Variants in NRCAM observed in about 807,000 individuals in gnomAD.
NRCAM encodes the protein neuronal cell adhesion molecule.
NRCAM carries 83 observed loss-of-function variants against 156.5 expected under a neutral mutation model. That is an observed-to-expected ratio of 0.53 (90% CI 0.44 to 0.64). NRCAM has a LOEUF of 0.64. NRCAM is among the 30% of genes least tolerant of loss of function. The pLI is 0.00. For missense variants in NRCAM, 1,417 were observed against 1,597.3 expected (o/e 0.89, Z 1.92); for synonymous variants, 538 against 563.9 (o/e 0.95, Z 0.65).
chr7:108,194,309 C>G lies in NRCAM; in HGVS notation c.1583G>C (p.Arg528Thr), dbSNP rs1402891252. The change falls in exon 16 of 33, where the codon AGG becomes ACG. Residue 528 changes from arginine to threonine, a missense_variant. Coordinates refer to ENST00000379028, the MANE Select transcript of NRCAM (RefSeq NM_001037132.4). ...ATTCTTCGCCATCCCTAATTTATTCCTTGCAACACACGTATAAGTTCCTGT... is the reference window on the plus strand; with the variant it reads ...ATTCTTCGCCATCCCTAATTTATTCGTTGCAACACACGTATAAGTTCCTGT... Reference protein sequence around the residue: ...DSTGTYTCVARNKLGMAKNEV... With the variant: ...DSTGTYTCVATNKLGMAKNEV... The G allele has an allele frequency of 6.2e-7, 1 of 1,613,368 alleles. No individual in the cohort carries two copies. Among genetic ancestry groups the G allele is most frequent in the Non-Finnish European group, 8.5e-7 (1 of 1,179,584 alleles).
Position 108,191,773 on chromosome 7 carries a change from G to C in NRCAM, c.1859C>G (p.Thr620Ser). 6.2e-7 allele frequency: 1 copy of C among 1,614,056 alleles called. No individual in the cohort carries two copies. The change falls in exon 18 of 33, where the codon ACC becomes AGC. Residue 620 changes from threonine (T) to serine (S), a missense_variant. By Grantham distance (58) the Thr-to-Ser change is moderately conservative. Transcript: ENST00000379028. ...GCTGGCGGAGACGCTGTCCAGAGTG[G>C]TGTTGGCCACACACGTGTAGGTCCC... ...DSGTYTCVAN[T>S]TLDSVSASAV...
rs118007010 is a variant in NRCAM at position 108,360,678 on chromosome 7, A to G, written c.-174+38758T>C. Among the ~76,000 whole-genome samples, 61 of 152,302 alleles carry G rather than the reference A, an allele frequency of 4.0e-4. No individual in the cohort carries two copies. In the East Asian group the frequency reaches 0.011, roughly 27 times the overall value. On this transcript the variant is annotated intron_variant, in intron 2 of 32. Coordinates refer to ENST00000379028, the MANE Select transcript of NRCAM (RefSeq NM_001037132.4). ...CCATGAAACAAAATTGAGAGTCTCT[A>G]AACAAACCCTTACATTTATGGTCAA...
intron 32 of NRCAM, among the ~76,000 whole-genome samples, chr7:108,156,789 C>T (rs181600954): frequency 1.3e-5 from 2 of 152,106 alleles, no homozygotes; most frequent in Non-Finnish European, 2.9e-5. Flanking sequence ...TCAAAACTTC[C>T]AGAAAGTGCA....
At chr7:108,434,285 A>T (rs1049565247) in intron 1 of NRCAM, among the ~76,000 whole-genome samples, 2 of 152,252 alleles carry the variant, frequency 1.3e-5, no homozygotes, top group African/African-American at 4.8e-5. Context: ...TCACTTGATT[A>T]GAGCATTCAC....
chr7:108,397,001 T>C (rs1028093820), intron 2 of NRCAM, among the ~76,000 whole-genome samples: 1 of 152,228 alleles, frequency 6.6e-6, no homozygotes, highest in Non-Finnish European at 1.5e-5. Context: ...TGCATCTAGA[T>C]TGATTAACCA....
chr7:108,324,669 G>A (rs1202315802), intron 2 of NRCAM, among the ~76,000 whole-genome samples: 1 of 152,108 alleles, frequency 6.6e-6, no homozygotes, highest in African/African-American at 2.4e-5. Context: ...AGCAGGATTA[G>A]GTTTAGAAGA....
At chr7:108,298,248 T>G (rs1364089190) in intron 3 of NRCAM, among the ~76,000 whole-genome samples, 2 of 152,024 alleles carry the variant, frequency 1.3e-5, no homozygotes, top group African/African-American at 4.8e-5. Flanking sequence ...CTGAAATTAT[T>G]ATAATCTAAG....
intron 2 of NRCAM, among the ~76,000 whole-genome samples, chr7:108,337,799 T>A (rs573197204): frequency 6.6e-6 from 1 of 152,256 alleles, no homozygotes; most frequent in South Asian, 2.1e-4. Flanking sequence ...CGCCACCATC[T>A]TGGGAGCTCT....
At chr7:108,222,025 G>A (rs1310729103) in intron 11 of NRCAM, among the ~76,000 whole-genome samples, 1 of 151,524 alleles carries the variant, frequency 6.6e-6, no homozygotes, top group Non-Finnish European at 1.5e-5. Flanking sequence ...AATAAACTGA[G>A]CATATGTATC....
chr7:108,156,486 C>T, intron 32 of NRCAM: 1 of 926,266 alleles, frequency 1.1e-6, no homozygotes, highest in Non-Finnish European at 1.3e-6. Context: ...AAGCTGCAGG[C>T]TTCCAACAGA....
chr7:108,447,478 G>C (rs553870575), intron 1 of NRCAM, among the ~76,000 whole-genome samples: 1 of 151,910 alleles, frequency 6.6e-6, no homozygotes, highest in South Asian at 2.1e-4. Flanking sequence ...TACCATGCTG[G>C]CCAGGGCGCT....
intron 9 of NRCAM, among the ~76,000 whole-genome samples, 196 bp downstream of exon 9, chr7:108,226,012 C>CA (rs757525043): frequency 2.5e-4 from 38 of 152,130 alleles, no homozygotes; most frequent in Admixed American, 1.4e-3. Flanking sequence ...ACAATAAAAG[C>CA]AAAAAATGTA....
intron 1 of NRCAM, among the ~76,000 whole-genome samples, chr7:108,408,951 G>A (rs1463151583): frequency 1.3e-5 from 2 of 152,120 alleles, no homozygotes; most frequent in East Asian, 3.9e-4. Flanking sequence ...CCTCCACAAG[G>A]CATTGCAAAA....
intron 1 of NRCAM, among the ~76,000 whole-genome samples, chr7:108,417,290 A>G (rs1802782650): frequency 6.6e-6 from 1 of 152,200 alleles, no homozygotes; most frequent in African/African-American, 2.4e-5. Context: ...TTGGCTCACA[A>G]TTCTGGAGTC....
At chr7:108,324,370 CT>C (rs1458342371) in intron 2 of NRCAM, among the ~76,000 whole-genome samples, 1 of 152,126 alleles carries the variant, frequency 6.6e-6, no homozygotes, top group African/African-American at 2.4e-5. Context: ...CCCTAACAAA[CT>C]TTTTTCCTTT....
intron 2 of NRCAM, among the ~76,000 whole-genome samples, chr7:108,322,334 C>T (rs1287809826): frequency 6.6e-6 from 1 of 152,096 alleles, no homozygotes; most frequent in African/African-American, 2.4e-5. Flanking sequence ...TTTCATAGTA[C>T]TGTTCTGGAA....
At chr7:108,333,609 G>A (rs1324209135) in intron 2 of NRCAM, among the ~76,000 whole-genome samples, 1 of 151,964 alleles carries the variant, frequency 6.6e-6, no homozygotes, top group African/African-American at 2.4e-5. Flanking sequence ...TGATGTTTTG[G>A]GGACATGTTA....
intron 1 of NRCAM, among the ~76,000 whole-genome samples, chr7:108,418,018 C>A (rs1803885008): frequency 6.6e-6 from 1 of 152,126 alleles, no homozygotes; most frequent in Non-Finnish European, 1.5e-5. Flanking sequence ...CTGACTTCAG[C>A]AGAAGAATAA....
chr7:108,437,599 C>CA (rs1408185807), intron 1 of NRCAM, among the ~76,000 whole-genome samples: 2 of 151,628 alleles, frequency 1.3e-5, no homozygotes, highest in South Asian at 2.1e-4. Context: ...AAAAACAAAA[C>CA]AAAAAACAAC....
Sources: allele counts gnomAD v4.1 joint callset (sites outside exome capture counted in the v4.1 genomes callset), GRCh38; gene constraint gnomAD v4.1.1; transcripts MANE v1.5; gene names NCBI Gene and HGNC (gene_info 2026-07-23, HGNC 2026-07-21).